The following USH2A variants were observed in gnomAD, a reference collection of about 807,000 sequenced individuals.
The protein encoded by USH2A is usherin, also known as Usher syndrome 2A (autosomal recessive, mild).
In USH2A, 443 loss-of-function variants were observed where a neutral mutation model predicts 538.9. The ratio of observed to expected loss-of-function variants is 0.82; its 90% CI spans 0.76 to 0.89. The LOEUF is 0.89. Among genes scored for constraint, USH2A ranks in the 40% least tolerant of loss-of-function variants. USH2A has a pLI of 0.00. For missense variants in USH2A, 6,633 were observed against 6,324.8 expected (o/e 1.05, Z -1.65); for synonymous variants, 2,413 against 2,273.5 (o/e 1.06, Z -1.75).
chr1:216,124,748 T>C (rs1325305690), intron 21 of USH2A, among the ~76,000 whole-genome samples: 1 of 152,178 alleles, frequency 6.6e-6, no homozygotes, highest in Non-Finnish European at 1.5e-5. Flanking sequence ...CATCCAGTAA[T>C]GTTCACAATG....
chr1:216,008,048 G>A (rs1302421440), intron 32 of USH2A, among the ~76,000 whole-genome samples: 1 of 152,170 alleles, frequency 6.6e-6, no homozygotes, highest in East Asian at 1.9e-4. Flanking sequence ...CAATTGAAAT[G>A]TTTTCTAAGT....
At chr1:216,140,655 A>G (rs2033584831) in intron 21 of USH2A, among the ~76,000 whole-genome samples, 1 of 152,180 alleles carries the variant, frequency 6.6e-6, no homozygotes, top group Non-Finnish European at 1.5e-5. Flanking sequence ...ACCCAGAAAC[A>G]TATTGGTACT....
chr1:215,818,417 A>T (rs928744931), intron 47 of USH2A, among the ~76,000 whole-genome samples: 4 of 151,638 alleles, frequency 2.6e-5, no homozygotes, highest in Non-Finnish European at 5.9e-5. Flanking sequence ...TTTTTTTTCA[A>T]TAACTCTTTA....
At chr1:215,721,661 C>T (rs563757670) in intron 61 of USH2A, among the ~76,000 whole-genome samples, 2 of 151,970 alleles carry the variant, frequency 1.3e-5, no homozygotes, top group Admixed American at 6.6e-5. Flanking sequence ...CAGACAAATA[C>T]ATATTTGTCT....
rs761093324 is a variant in USH2A, at chr1:216,323,673, T to G, written c.1351A>C (p.Asn451His). ...GGTGTCAGGATGCTAAATGTGACAT[T>G]GCCACGGGAATATGGAGTAAAACTG... ...LSNFTPYSRG[N>H]VTFSILTPGP... Residue 451 changes from asparagine to histidine, a missense_variant, in exon 8 of 72, where the codon AAT (asparagine) becomes CAT (histidine). Coordinates refer to ENST00000307340, the MANE Select transcript of USH2A (RefSeq NM_206933.4). 6.2e-7 allele frequency: 1 copy of G among 1,613,534 alleles called. No homozygotes were observed. The highest frequency in any genetic ancestry group is 1.7e-5 in the Admixed American group (1 of 59,972).
intron 21 of USH2A, among the ~76,000 whole-genome samples, chr1:216,111,754 A>G (rs112643018): frequency 0.026 from 3,863 of 150,786 alleles, 176 homozygotes; most frequent in African/African-American, 0.087. Context: ...TGAAACTAAA[A>G]AGAAAATTTT....
chr1:216,283,746 T>C (rs924870654), intron 11 of USH2A, among the ~76,000 whole-genome samples: 2 of 152,338 alleles, frequency 1.3e-5, no homozygotes, highest in Non-Finnish European at 1.5e-5. Flanking sequence ...AATGGATACT[T>C]TGAAAATATT....
intron 61 of USH2A, among the ~76,000 whole-genome samples, chr1:215,727,622 G>A (rs562205200): frequency 2.6e-5 from 4 of 152,040 alleles, no homozygotes; most frequent in South Asian, 2.1e-4. Context: ...CTACTCAGGA[G>A]GCTGAGGCAG....
At chr1:215,732,544 C>CTTTTTTTTTTTTTTTTTTTTTTTTTT (rs141549439) in intron 60 of USH2A, among the ~76,000 whole-genome samples, 1 of 73,586 alleles carries the variant, frequency 1.4e-5, no homozygotes, top group African/African-American at 6.1e-5. Context: ...TTTTTTCTTT[C>CTTTTTTTTTTTTTTTTTTTTTTTTTT]TTTTTTTTTT....
intron 21 of USH2A, among the ~76,000 whole-genome samples, chr1:216,097,633 T>A (rs185524750): frequency 2.0e-5 from 3 of 152,162 alleles, no homozygotes; most frequent in African/African-American, 7.2e-5. Flanking sequence ...GGTTCAGTAA[T>A]AGAAGTTAAT....
intron 20 of USH2A, among the ~76,000 whole-genome samples, chr1:216,179,819 C>A (rs368790730): frequency 1.3e-5 from 2 of 152,062 alleles, no homozygotes; most frequent in East Asian, 3.9e-4. Flanking sequence ...GGAAAAGGAA[C>A]TATAGGTAAA....
chr1:216,380,367 T>A (rs531859844), intron 3 of USH2A, among the ~76,000 whole-genome samples: 1 of 152,222 alleles, frequency 6.6e-6, no homozygotes, highest in South Asian at 2.1e-4. Context: ...GGCACCAGAA[T>A]ACAGAGCCAG....
intron 36 of USH2A, 107 bp downstream of exon 36, chr1:215,970,518 G>T: frequency 7.1e-7 from 1 of 1,403,016 alleles, no homozygotes; most frequent in Non-Finnish European, 1.0e-6. Flanking sequence ...CATCCTGCTT[G>T]AAAGGCTAGC....
In USH2A at chr1:215,817,081, A is replaced by G; in HGVS notation, c.9486T>C (p.Asp3162=). The G allele has an allele frequency of 6.2e-7, 1 of 1,612,890 alleles. No individual in the cohort carries two copies. The highest frequency in any genetic ancestry group is 1.1e-5 in the South Asian group (1 of 91,060). ...CTGCCTTGCAGAGCTCATCACTCTGATCCTGCACTAACTTTTGAGTTTTAG... is the reference window on the plus strand; with the variant it reads ...CTGCCTTGCAGAGCTCATCACTCTGGTCCTGCACTAACTTTTGAGTTTTAG... ...PCAKTQKLVQ[D]QSDELCKAVR... The change falls in exon 48 of 72, where the codon GAT becomes GAC. Residue 3162 remains aspartate, a synonymous_variant. Coordinates refer to ENST00000307340, the MANE Select transcript of USH2A (RefSeq NM_206933.4).
At chr1:216,360,474 A>T (rs1418482806) in intron 4 of USH2A, among the ~76,000 whole-genome samples, 1 of 152,098 alleles carries the variant, frequency 6.6e-6, no homozygotes, top group Non-Finnish European at 1.5e-5. Flanking sequence ...ATACTGGAGT[A>T]GTGGATACTT....
intron 61 of USH2A, among the ~76,000 whole-genome samples, chr1:215,727,141 G>A (rs994246428): frequency 1.3e-5 from 2 of 151,988 alleles, no homozygotes; most frequent in Non-Finnish European, 2.9e-5. Context: ...AAGCCATAGT[G>A]TATGCAACTT....
At chr1:216,176,805 C>T (rs1215030021) in intron 20 of USH2A, among the ~76,000 whole-genome samples, 3 of 152,104 alleles carry the variant, frequency 2.0e-5, no homozygotes, top group African/African-American at 7.2e-5. Context: ...AAGCATGTAG[C>T]CTTTGTAGAC....
At chr1:215,988,191 C>G (rs989813602) in intron 35 of USH2A, among the ~76,000 whole-genome samples, 4 of 151,478 alleles carry the variant, frequency 2.6e-5, no homozygotes, top group African/African-American at 9.7e-5. Flanking sequence ...TCCATTTCCC[C>G]CTTCCACCCA....
At chr1:216,040,557 G>A (rs556553171) in intron 32 of USH2A, among the ~76,000 whole-genome samples, 23 of 152,072 alleles carry the variant, frequency 1.5e-4, no homozygotes, top group African/African-American at 5.3e-4. Flanking sequence ...TTCTGGTAGG[G>A]TGCTCGTTTA....
Sources: allele counts gnomAD v4.1 joint callset (sites outside exome capture counted in the v4.1 genomes callset), GRCh38; gene constraint gnomAD v4.1.1; transcripts MANE v1.5; gene names NCBI Gene and HGNC (gene_info 2026-07-23, HGNC 2026-07-21).